The following GNB5 variants were observed in gnomAD, a reference collection of about 807,000 sequenced individuals.
GNB5 encodes G protein subunit beta 5.
In GNB5, 37 loss-of-function variants were observed where a neutral mutation model predicts 55.3. The ratio of observed to expected loss-of-function variants is 0.67; its 90% CI spans 0.51 to 0.88. The LOEUF (loss-of-function observed/expected upper bound fraction) is 0.88. Among genes scored for constraint, GNB5 ranks in the 40% least tolerant of loss-of-function variants. The pLI, the probability that GNB5 is intolerant of heterozygous loss-of-function variation, is 0.00. For synonymous variants in GNB5, 219 were observed against 198.5 expected, an observed-to-expected ratio of 1.10 and a Z score of -0.87; for missense variants, 476 against 515.3, an observed-to-expected ratio of 0.92 and a Z score of 0.74.
chr15:52,154,741 A>C (rs1036095599), intron 3 of GNB5, among the ~76,000 whole-genome samples: 2 of 152,220 alleles, frequency 1.3e-5, no homozygotes, highest in Admixed American at 1.3e-4. Context: ...GCAAACTGCC[A>C]AGCAAGCTGT....
chr15:52,136,170 A>ACACACACC (rs2033714469), intron 7 of GNB5, among the ~76,000 whole-genome samples: 1 of 114,374 alleles, frequency 8.7e-6, no homozygotes, highest in Non-Finnish European at 1.9e-5. Flanking sequence ...ACACACACAC[A>ACACACACC]CACCCTACCT....
At chr15:52,124,005 C>CAAAAAAAAAAAAAA (rs56008657) in intron 12 of GNB5, among the ~76,000 whole-genome samples, 2 of 84,414 alleles carry the variant, frequency 2.4e-5, no homozygotes, top group Admixed American at 1.3e-4. Context: ...ATAGAAAAAC[C>CAAAAAAAAAAAAAA]AAAAAAAAAA....
rs1277104941 is a variant in GNB5, at chr15:52,119,929, T to C, written c.*2828A>G. 6.6e-6 allele frequency: 1 copy of C among 152,124 alleles called. No individual in the cohort carries two copies. The highest frequency in any genetic ancestry group is 1.5e-5 in the Non-Finnish European group (1 of 68,100). The allele number at this position is 152,124 out of a possible 1,614,324, so 9.4% of individuals were successfully genotyped here. ...AACCTAGAGAAGGGTGCAAAGGAGG[T>C]AGAAGAGCGGGAAGAGGGCAGTGGC... On this transcript the variant is annotated 3_prime_UTR_variant, in exon 13 of 13. Transcript: ENST00000261837.
chr15:52,189,400 A>T (rs1036860460), intron 1 of GNB5, among the ~76,000 whole-genome samples: 3 of 151,956 alleles, frequency 2.0e-5, no homozygotes, highest in Non-Finnish European at 4.4e-5. Flanking sequence ...CCTGGGCAAC[A>T]TGGTGAAACC....
intron 6 of GNB5, among the ~76,000 whole-genome samples, chr15:52,146,213 T>G (rs2141206515): frequency 6.6e-6 from 1 of 152,274 alleles, no homozygotes; most frequent in Non-Finnish European, 1.5e-5. Context: ...AGTCTCAGCC[T>G]CCCAAAGTGC....
Position 52,184,661 on chromosome 15 carries a change from A to T in GNB5, c.16T>A (p.Phe6Ile). Residue 6 changes from phenylalanine to isoleucine, a missense_variant, in exon 2 of 13, where the codon TTT becomes ATT. Transcript: ENST00000261837. MCDQT[F>I]LVNVFGSCDK... The stretch of plus-strand genomic sequence containing the variant: ...CATGAGCCAAATACATTAACGAGAA[A>T]GGTCTGATCACACATCTTTTACCCA... 6.2e-7 allele frequency: 1 copy of T among 1,613,754 alleles called. No homozygotes were observed.
At chr15:52,137,549 A>T (rs1159150253) in intron 7 of GNB5, 142 of 1,027,884 alleles carry the variant, frequency 1.4e-4, no homozygotes, top group Non-Finnish European at 1.6e-4. Context: ...GCAGAGGCCC[A>T]AAGAGCCTCT....
At chr15:52,173,010 TC>T (rs2034583091) in intron 3 of GNB5, among the ~76,000 whole-genome samples, 1 of 152,198 alleles carries the variant, frequency 6.6e-6, no homozygotes, top group African/African-American at 2.4e-5. Context: ...TCAATGCCAA[TC>T]TTTTTTTTTC....
chr15:52,127,105 A>G (rs967131136), intron 10 of GNB5, among the ~76,000 whole-genome samples: 1 of 152,062 alleles, frequency 6.6e-6, no homozygotes, highest in African/African-American at 2.4e-5. Flanking sequence ...CCAAGTAGAG[A>G]TGTTTTCAAG....
chr15:52,116,089 G>A lies in GNB5; in HGVS notation c.*6668C>T, dbSNP rs2033137756. 1 of 152,198 alleles carries A rather than the reference G, an allele frequency of 6.6e-6. No individual in the cohort carries two copies. Among genetic ancestry groups the A allele is most frequent in the South Asian group, 2.1e-4 (1 of 4,828 alleles). The allele number at this position is 152,198 out of a possible 1,614,324, so 9.4% of individuals were successfully genotyped here. On this transcript the variant is annotated 3_prime_UTR_variant, in exon 13 of 13. Coordinates refer to ENST00000261837, the MANE Select transcript of GNB5 (RefSeq NM_016194.4). ...ACTGTGGAACATTGGGGCTGTTTCA[G>A]CTTTGGGCTATTATGAGTAATGCTG...
intron 6 of GNB5, among the ~76,000 whole-genome samples, chr15:52,144,719 CTT>C (rs1284588861): frequency 1.3e-5 from 2 of 152,180 alleles, no homozygotes; most frequent in Non-Finnish European, 2.9e-5. Flanking sequence ...AGACTGAAGA[CTT>C]TATAAAGGTA....
rs1391769217 is a variant in GNB5, at chr15:52,135,679, T to C, written c.705A>G (p.Gly235=). ...CCAAGCAGAGGACGTCAGCCCCATG[T>C]CCGTGGAAGCTCTGCAGCAGCTGCC... ...ESGQLLQSFH[G]HGADVLCLDL... Residue 235 remains glycine (G), a synonymous_variant, in exon 8 of 13, where the codon GGA becomes GGG. Coordinates refer to ENST00000261837, the MANE Select transcript of GNB5 (RefSeq NM_016194.4). 3 of 1,613,378 alleles carry C rather than the reference T, an allele frequency of 1.9e-6. No homozygotes were observed. In the African/African-American group the frequency reaches 4.0e-5, roughly 22 times the overall value.
intron 3 of GNB5, among the ~76,000 whole-genome samples, chr15:52,170,609 C>T (rs941246745): frequency 2.2e-4 from 33 of 151,648 alleles, no homozygotes; most frequent in Non-Finnish European, 4.4e-5. Flanking sequence ...GGGCTTAATA[C>T]TTAGGTGATG....
intron 3 of GNB5, among the ~76,000 whole-genome samples, chr15:52,156,162 T>C (rs1345160641): frequency 6.6e-6 from 1 of 152,224 alleles, no homozygotes. Flanking sequence ...CAAGAGGTTG[T>C]AATCCATTAC....
At chr15:52,165,161 G>GA (rs1314716595) in intron 3 of GNB5, among the ~76,000 whole-genome samples, 2 of 151,992 alleles carry the variant, frequency 1.3e-5, no homozygotes, top group Non-Finnish European at 2.9e-5. Context: ...CAAGAATAGA[G>GA]AAAAAACAAT....
chr15:52,122,973 A>T (rs1403362036), intron 12 of GNB5, among the ~76,000 whole-genome samples: 2 of 137,710 alleles, frequency 1.5e-5, no homozygotes, highest in Non-Finnish European at 3.0e-5. Context: ...TACTCCTAGC[A>T]ATGCAAAGGT....
At position 52,147,530 on chromosome 15, in the gene GNB5, G is replaced by A. The variant is rs775843261; in HGVS notation, c.423C>T (p.His141=). The change falls in exon 6 of 13, where the codon CAC becomes CAT. Residue 141 remains histidine, a synonymous_variant. Coordinates refer to ENST00000261837, the MANE Select transcript of GNB5 (RefSeq NM_016194.4). ...CCCACGTGCAGGGCATGGTGACCGC[G>A]TGCTCCTGAAACACAGCACAGAGTG... ...VWDSFTTNKE[H]AVTMPCTWVM... is the part of the protein sequence containing the mutation. 4.9e-5 allele frequency: 77 copies of A among 1,581,378 alleles called. No individual in the cohort carries two copies. The highest frequency in any genetic ancestry group is 2.2e-4 in the Admixed American group (13 of 57,942).
rs2033184959 is a variant in GNB5 at position 52,118,351 on chromosome 15, A to G, written c.*4406T>C. 3 of 147,620 alleles carry G rather than the reference A, an allele frequency of 2.0e-5. No individual in the cohort carries two copies. 9.1% of individuals were successfully genotyped at this position (147,620 alleles called of 1,614,324 possible). A position where few individuals can be genotyped will look rare whatever the true frequency, so the allele number is the denominator to read the frequency against. ...CACGGTCAAAACTATTTTCATAATA[A>G]TATTGACACTTTTTTTTTTTGTATG... is the stretch of plus-strand genomic sequence containing the variant. On this transcript the variant is annotated 3_prime_UTR_variant, in exon 13 of 13. Coordinates refer to ENST00000261837, the MANE Select transcript of GNB5 (RefSeq NM_016194.4).
intron 3 of GNB5, among the ~76,000 whole-genome samples, chr15:52,172,932 T>C (rs207475489): frequency 1.3e-5 from 2 of 152,222 alleles, no homozygotes; most frequent in Non-Finnish European, 2.9e-5. Context: ...GCACTTTGCT[T>C]TTTATTTTCT....
Sources: allele counts gnomAD v4.1 joint callset (sites outside exome capture counted in the v4.1 genomes callset), GRCh38; gene constraint gnomAD v4.1.1; transcripts MANE v1.5; gene names NCBI Gene and HGNC (gene_info 2026-07-23, HGNC 2026-07-21).